LY96: variants seen among roughly 807,000 people sequenced by gnomAD.
LY96 encodes myeloid differentiation protein-2.
A neutral mutation model predicts 18.9 loss-of-function variants in LY96; 18 were observed. The ratio of observed to expected loss-of-function variants is 0.95; its 90% CI spans 0.66 to 1.41. The LOEUF (loss-of-function observed/expected upper bound fraction) is 1.41, where lower values mean the gene tolerates loss of function less well. LY96 is among the 40% of genes most tolerant of loss of function. The pLI is 0.00. For synonymous variants in LY96, 66 were observed against 62.6 expected, an observed-to-expected ratio of 1.06 and a Z score of -0.26; for missense variants, 175 against 182.4, an observed-to-expected ratio of 0.96 and a Z score of 0.23.
chr8:74,003,621 A>G (rs1160001984), intron 1 of LY96, among the ~76,000 whole-genome samples: 1 of 152,228 alleles, frequency 6.6e-6, no homozygotes, highest in Non-Finnish European at 1.5e-5. Flanking sequence ...CTAGTTACAG[A>G]GAACAAGAAT....
At position 73,999,083 on chromosome 8, in the gene LY96, G is replaced by C. The variant is rs571200579; in HGVS notation, c.113-5713G>C. On this transcript the variant is annotated intron_variant, in intron 1 of 4. Transcript: ENST00000284818. ...CCTCCTGGGCTAAAGCAATTCTCAT[G>C]CTTCAGCCTCCTGAGTAGCTGGGAC... Among the ~76,000 whole-genome samples the C allele has an allele frequency of 6.6e-5, 10 of 151,824 alleles. No homozygotes were observed. In the South Asian group the frequency reaches 2.1e-3, roughly 32 times the overall value.
chr8:73,997,149 G>C (rs1484510605), intron 1 of LY96, among the ~76,000 whole-genome samples: 1 of 152,204 alleles, frequency 6.6e-6, no homozygotes, highest in Non-Finnish European at 1.5e-5. Flanking sequence ...GAGCCACCGT[G>C]TCCGGCCTTA....
chr8:73,991,646 C>A (rs1010944536), intron 1 of LY96, 92 bp downstream of exon 1: 1 of 794,156 alleles, frequency 1.3e-6, no homozygotes, highest in Non-Finnish European at 2.2e-6. Context: ...CTGGAACACA[C>A]GAAACATCAG....
At chr8:74,079,709 T>C in the LY96 span, 1 of 152,300 alleles carries the variant, frequency 6.6e-6, no homozygotes, top group African/African-American at 2.4e-5. Context: ...AGTGGATTTT[T>C]TTTTTCGAAA....
chr8:73,996,359 TCC>T (rs1440696814), intron 1 of LY96, among the ~76,000 whole-genome samples: 65 of 123,914 alleles, frequency 5.2e-4, no homozygotes, highest in African/African-American at 1.8e-3. Context: ...CTTCCTTCCT[TCC>T]TTCCTTCATT....
the LY96 span, among the ~76,000 whole-genome samples, chr8:74,065,445 T>C: frequency 6.6e-6 from 1 of 152,228 alleles, no homozygotes; most frequent in African/African-American, 2.4e-5. Flanking sequence ...GTTGTATTAT[T>C]CTTATACCTT....
chr8:74,014,075 T>C (rs951454504), intron 3 of LY96, among the ~76,000 whole-genome samples: 2 of 149,882 alleles, frequency 1.3e-5, no homozygotes, highest in African/African-American at 4.9e-5. Context: ...AGGGAGGAGA[T>C]GAAAGAGAGA....
chr8:74,035,510 C>G, the LY96 span, among the ~76,000 whole-genome samples: 1 of 152,206 alleles, frequency 6.6e-6, no homozygotes, highest in Non-Finnish European at 1.5e-5. Flanking sequence ...CTCCAACCAT[C>G]TGAATGAACT....
the LY96 span, among the ~76,000 whole-genome samples, chr8:74,051,863 A>G: frequency 6.6e-6 from 1 of 152,296 alleles, no homozygotes; most frequent in South Asian, 2.1e-4. Flanking sequence ...CGCCCAGTCT[A>G]TGGTATCCTA....
chr8:74,033,095 G>T (rs1816997411), downstream of LY96, among the ~76,000 whole-genome samples: 1 of 152,076 alleles, frequency 6.6e-6, no homozygotes. Context: ...CATTACTCCG[G>T]CAGAATCATA....
chr8:74,081,024 T>TC, the LY96 span, among the ~76,000 whole-genome samples: 3 of 133,052 alleles, frequency 2.3e-5, no homozygotes, highest in Admixed American at 1.5e-4. Context: ...CTTTCTTTCT[T>TC]TCTTTCTTTC....
chr8:74,074,191 G>A, the LY96 span, among the ~76,000 whole-genome samples: 6,245 of 151,992 alleles, frequency 0.041, 329 homozygotes, highest in African/African-American at 0.11. Flanking sequence ...GTAGAGACAG[G>A]ATTTCATCAT....
the LY96 span, among the ~76,000 whole-genome samples, chr8:74,087,335 A>G: frequency 4.6e-5 from 7 of 152,324 alleles, no homozygotes; most frequent in East Asian, 1.2e-3. Flanking sequence ...CTGCCGTTCT[A>G]TATTTTGACA....
chr8:74,053,898 C>G, the LY96 span, among the ~76,000 whole-genome samples: 9 of 152,258 alleles, frequency 5.9e-5, no homozygotes, highest in East Asian at 1.5e-3. Flanking sequence ...ATGGACTTTC[C>G]CTCTTGCCAT....
At chr8:74,073,640 A>AATTT in the LY96 span, among the ~76,000 whole-genome samples, 6,830 of 145,308 alleles carry the variant, frequency 0.047, 178 homozygotes, top group African/African-American at 0.082. Context: ...GAGATTGATG[A>AATTT]ATTTATTTAT....
chr8:74,002,093 T>TTCTTTCTTTCTTTCTCTCTCTCTC (rs1563710943), intron 1 of LY96, among the ~76,000 whole-genome samples: 4 of 38,700 alleles, frequency 1.0e-4, no homozygotes, highest in Non-Finnish European at 4.2e-5. Context: ...CTTTCTTTCT[T>TTCTTTCTTTCTTTCTCTCTCTCTC]TCTCTCTCTC....
the LY96 span, among the ~76,000 whole-genome samples, chr8:74,059,834 T>G: frequency 6.6e-6 from 1 of 152,204 alleles, no homozygotes; most frequent in Non-Finnish European, 1.5e-5. Context: ...TAAATTTTGT[T>G]ACATCCAAAA....
At chr8:74,014,028 C>G (rs1160513474) in intron 3 of LY96, among the ~76,000 whole-genome samples, 1 of 151,700 alleles carries the variant, frequency 6.6e-6, no homozygotes, top group Non-Finnish European at 1.5e-5. Context: ...CTGTGAGAGA[C>G]CATGAGGGCT....
intron 3 of LY96, among the ~76,000 whole-genome samples, chr8:74,015,675 T>C (rs1450465910): frequency 6.6e-6 from 1 of 152,176 alleles, no homozygotes; most frequent in South Asian, 2.1e-4. Flanking sequence ...CACAATTCAA[T>C]GTACAATACC....
Sources: allele counts gnomAD v4.1 joint callset (sites outside exome capture counted in the v4.1 genomes callset), GRCh38; gene constraint gnomAD v4.1.1; transcripts MANE v1.5; gene names NCBI Gene and HGNC (gene_info 2026-07-23, HGNC 2026-07-21).